Variants in UVSSA observed in about 807,000 individuals in gnomAD.
UVSSA encodes UV stimulated scaffold protein A.
In UVSSA, 72 loss-of-function variants were observed where a neutral mutation model predicts 73.9. That is an observed-to-expected ratio of 0.97 (90% CI 0.81 to 1.19). The LOEUF (loss-of-function observed/expected upper bound fraction) is 1.19. UVSSA is among the 50% of genes most tolerant of loss of function. UVSSA has a pLI of 0.00. For missense variants in UVSSA, 1,150 were observed against 965.0 expected (o/e 1.19, Z -2.54); for synonymous variants, 454 against 391.3 (o/e 1.16, Z -1.89).
chr4:1,344,510 C>G (rs1483822155), upstream of UVSSA, among the ~76,000 whole-genome samples: 1 of 152,192 alleles, frequency 6.6e-6, no homozygotes, highest in Admixed American at 6.5e-5. Context: ...GAGATCACAC[C>G]ACTGCACTCC....
downstream of UVSSA, chr4:1,388,266 A>T (rs544761510): frequency 6.6e-6 from 1 of 152,226 alleles, no homozygotes; most frequent in Non-Finnish European, 1.5e-5. Flanking sequence ...TTGTTTTCCA[A>T]ATTTCACTTT....
intron 10 of UVSSA, 150 bp downstream of exon 10, chr4:1,376,318 A>C: frequency 8.0e-7 from 1 of 1,255,226 alleles, no homozygotes; most frequent in Admixed American, 3.2e-5. Flanking sequence ...CTGGAGGGGC[A>C]CAGGGGTGGG....
intron 7 of UVSSA, among the ~76,000 whole-genome samples, chr4:1,365,789 G>T (rs1404247869): frequency 6.6e-6 from 1 of 151,966 alleles, no homozygotes; most frequent in Non-Finnish European, 1.5e-5. Context: ...CCACCTGGTG[G>T]GAAGATAACT....
intron 7 of UVSSA, chr4:1,359,602 G>A (rs561224094): frequency 2.0e-5 from 3 of 152,264 alleles, no homozygotes; most frequent in East Asian, 3.9e-4. Context: ...ACTTGTTTCC[G>A]TGGCTGAAAG....
chr4:1,353,930 A>C (rs1435756933), intron 5 of UVSSA, among the ~76,000 whole-genome samples: 1 of 152,154 alleles, frequency 6.6e-6, no homozygotes, highest in Admixed American at 6.5e-5. Flanking sequence ...AGGATTGCAG[A>C]GACATAGCCG....
At position 1,386,013 on chromosome 4, in the gene UVSSA, C is replaced by G. The variant is rs149418525; in HGVS notation, c.*52C>G. The G allele has an allele frequency of 3.5e-4, 561 of 1,581,402 alleles. 3 individuals carry two copies. In the African/African-American group the frequency reaches 7.0e-3, roughly 20 times the overall value. On this transcript the variant is annotated 3_prime_UTR_variant, in exon 14 of 14. Coordinates refer to ENST00000389851, the MANE Select transcript of UVSSA (RefSeq NM_020894.4). ...CAGCACTTTCTCCCTCTGCCAGTGTCTCAGGACAGCAGAGTGGGCGTGGGT... is the reference window on the plus strand; with the variant it reads ...CAGCACTTTCTCCCTCTGCCAGTGTGTCAGGACAGCAGAGTGGGCGTGGGT...
In UVSSA at chr4:1,383,981, C is replaced by A. The variant is rs534601811; in HGVS notation, c.2036+41C>A. ...GGGTCACCTCCCACCGCGTGGCCCCCCCGTGTGAGGGTGTTCGAGGGGGGC... is the reference window on the plus strand; with the variant it reads ...GGGTCACCTCCCACCGCGTGGCCCCACCGTGTGAGGGTGTTCGAGGGGGGC... On this transcript the variant is annotated intron_variant, in intron 13 of 13. Transcript: ENST00000389851. 9.5e-6 allele frequency: 15 copies of A among 1,581,476 alleles called. No homozygotes were observed. In the East Asian group the frequency reaches 2.3e-4, roughly 24 times the overall value.
At position 1,348,170 on chromosome 4, in the gene UVSSA, G is replaced by A; in HGVS notation, c.79G>A (p.Glu27Lys). The A allele has an allele frequency of 6.2e-7, 1 of 1,613,764 alleles. No homozygotes were observed. ...CCGACTAAATCCTGAGAAAATGAAG[G>A]AACTGAAGAAAATTTGCAAGTATGT... ...EPRLNPEKMK[E>K]LKKICKSSEE... Residue 27 changes from glutamate to lysine, a missense_variant, in exon 2 of 14, where the codon GAA becomes AAA. Transcript: ENST00000389851.
chr4:1,376,232 GCTGCCGGCT>G, intron 10 of UVSSA, 64 bp downstream of exon 10: 1 of 1,517,076 alleles, frequency 6.6e-7, no homozygotes, highest in East Asian at 2.4e-5. Flanking sequence ...TGAGGAGGGG[GCTGCCGGCT>G]CACCAGGCCT....
chr4:1,346,802 C>T (rs1487458231), upstream of UVSSA, among the ~76,000 whole-genome samples: 1 of 152,034 alleles, frequency 6.6e-6, no homozygotes, highest in African/African-American at 2.4e-5. Context: ...GCCTCAGTTT[C>T]CCGGCCGGCC....
chr4:1,388,648 T>A (rs1340957828), downstream of UVSSA: 1 of 151,966 alleles, frequency 6.6e-6, no homozygotes, highest in African/African-American at 2.4e-5. Flanking sequence ...CCTCCTAGTT[T>A]GTTGAGTGTT....
chr4:1,360,152 C>T lies in UVSSA; in HGVS notation c.1176+4907C>T, dbSNP rs1388526184. Among the ~76,000 whole-genome samples the T allele has an allele frequency of 3.9e-5, 6 of 152,342 alleles. No individual in the cohort carries two copies. The South Asian group carries it at 8.3e-4, about 21-fold the overall frequency. On this transcript the variant is annotated intron_variant, in intron 7 of 13. Coordinates refer to ENST00000389851, the MANE Select transcript of UVSSA (RefSeq NM_020894.4). ...ACGCCGAAGGCCAAGCCGCTGTGTGCGCCACCGCATCCCAAGGGCTGCCCA... is the reference window on the plus strand; with the variant it reads ...ACGCCGAAGGCCAAGCCGCTGTGTGTGCCACCGCATCCCAAGGGCTGCCCA...
intron 5 of UVSSA, chr4:1,354,458 G>C: frequency 4.3e-6 from 2 of 468,184 alleles, no homozygotes; most frequent in Non-Finnish European, 3.9e-6. Context: ...GGGTGGTCTC[G>C]CCCTCCAGAT....
At chr4:1,348,329 C>A in intron 2 of UVSSA, 140 bp downstream of exon 2, 1 of 673,856 alleles carries the variant, frequency 1.5e-6, no homozygotes, top group Non-Finnish European at 2.6e-6. Flanking sequence ...CCCTGCAGTA[C>A]CCGGCTCTGA....
At chr4:1,373,846 T>A (rs538013696) in intron 8 of UVSSA, among the ~76,000 whole-genome samples, 1 of 152,268 alleles carries the variant, frequency 6.6e-6, no homozygotes, top group East Asian at 1.9e-4. Flanking sequence ...GCCGGTCCCC[T>A]CAGCCACCCA....
intron 3 of UVSSA, among the ~76,000 whole-genome samples, chr4:1,350,059 C>T (rs916042958): frequency 2.0e-5 from 3 of 152,124 alleles, no homozygotes; most frequent in Non-Finnish European, 4.4e-5. Flanking sequence ...AGAGGGGCGG[C>T]GCAGCTCTGA....
At chr4:1,382,546 C>T (rs531545462) in intron 12 of UVSSA, among the ~76,000 whole-genome samples, 17 of 152,356 alleles carry the variant, frequency 1.1e-4, no homozygotes, top group African/African-American at 4.1e-4. Flanking sequence ...CTTCATTTCA[C>T]TGAGACGCTC....
At chr4:1,348,012 C>A in intron 1 of UVSSA, 78 bp from the exon 2 acceptor site, 1 of 1,246,850 alleles carries the variant, frequency 8.0e-7, no homozygotes, top group Non-Finnish European at 1.2e-6. Flanking sequence ...TATAGTGGAA[C>A]CCAGTAAACA....
intron 7 of UVSSA, among the ~76,000 whole-genome samples, chr4:1,361,324 G>C (rs961697925): frequency 2.5e-4 from 38 of 152,364 alleles, no homozygotes; most frequent in Non-Finnish European, 4.4e-4. Flanking sequence ...TCATTACTGG[G>C]AGTGACCTGG....
Sources: allele counts gnomAD v4.1 joint callset (sites outside exome capture counted in the v4.1 genomes callset), GRCh38; gene constraint gnomAD v4.1.1; transcripts MANE v1.5; gene names NCBI Gene and HGNC (gene_info 2026-07-23, HGNC 2026-07-21).